SP5: variants seen among roughly 807,000 people sequenced by gnomAD.
The protein encoded by SP5 is Sp5 transcription factor.
In SP5, 12 loss-of-function variants were observed where a neutral mutation model predicts 27.4. The observed-to-expected ratio is 0.44, with a 90% CI of 0.28 to 0.71. The LOEUF (loss-of-function observed/expected upper bound fraction) is 0.71. SP5 is among the 30% of genes least tolerant of loss of function. SP5 has a pLI of 0.15. For synonymous variants in SP5, 330 were observed against 290.7 expected, an observed-to-expected ratio of 1.14 and a Z score of -1.38; for missense variants, 660 against 589.8, an observed-to-expected ratio of 1.12 and a Z score of -1.23.
In SP5 at chr2:170,716,889, G is replaced by T. The variant is rs1228655517; in HGVS notation, c.682G>T (p.Ala228Ser). ...GCCCCGCTTCCCCGCCTCTGCGGCC[G>T]CTGCTGCTGCGGCCGCCGCCGCCCT... The part of the protein sequence containing the change: ...HAPRFPASAA[A>S]AAAAAAALQR... Residue 228 changes from alanine (A) to serine (S), a missense_variant, in exon 2 of 2, where the codon GCT (alanine) becomes TCT (serine). Ala to Ser is a moderately conservative substitution (Grantham distance 99). Coordinates refer to ENST00000375281, the MANE Select transcript of SP5 (RefSeq NM_001003845.3). 1.3e-6 allele frequency: 2 copies of T among 1,504,354 alleles called. No homozygotes were observed. Among genetic ancestry groups the T allele is most frequent in the African/African-American group, 2.9e-5 (2 of 68,344 alleles). The allele number at this position is 1,504,354 out of a possible 1,614,324, so 93.2% of individuals were successfully genotyped here. A position where few individuals can be genotyped will look rare whatever the true frequency, so the allele number is the denominator to read the frequency against.
rs757058067 is a variant in SP5 at position 170,716,345 on chromosome 2, G to A, written c.138G>A (p.Pro46=). 41 of 1,595,924 alleles carry A rather than the reference G, an allele frequency of 2.6e-5. No individual in the cohort carries two copies. In the East Asian group the frequency reaches 6.9e-4, roughly 27 times the overall value. The change falls in exon 2 of 2, where the codon CCG becomes CCA. Residue 46 remains proline (P), a synonymous_variant. Coordinates refer to ENST00000375281, the MANE Select transcript of SP5 (RefSeq NM_001003845.3). ...LAATCSRIGQ[P]GAAAPPDFLQ... The stretch of plus-strand genomic sequence containing the variant: ...CCACCTGTAGCCGCATCGGCCAGCC[G>A]GGCGCGGCGGCGCCCCCGGACTTCC...
rs924281876 is a variant in SP5, at chr2:170,715,721, C to T, written c.51+158C>T. ...GCCCACGCCAACTTCACACCTAATC[C>T]GGTGTGGCCTTTGCTGGAGGGACGC... On this transcript the variant is annotated intron_variant, in intron 1 of 1. Transcript: ENST00000375281. 6.1e-6 allele frequency: 6 copies of T among 985,454 alleles called. No individual in the cohort carries two copies. The South Asian group carries it at 2.3e-4, about 39-fold the overall frequency. 61.0% of individuals were successfully genotyped at this position (985,454 alleles called of 1,614,324 possible).
Position 170,718,073 on chromosome 2 carries a change from T to G in SP5, c.*669T>G, listed in dbSNP as rs534295284. The G allele has an allele frequency of 6.6e-6, 1 of 152,498 alleles. No individual in the cohort carries two copies. Among genetic ancestry groups the G allele is most frequent in the East Asian group, 1.9e-4 (1 of 5,182 alleles). The allele number at this position is 152,498 out of a possible 1,614,324, so 9.4% of individuals were successfully genotyped here. ...CGGGAATTTGATGGTTCCTATAGTC[T>G]GCCTGTGTCGGAGGCTTCTTTGGTT... On this transcript the variant is annotated 3_prime_UTR_variant, in exon 2 of 2. Transcript: ENST00000375281.
rs1700072820 is a variant in SP5 at position 170,716,559 on chromosome 2, G to A, written c.352G>A (p.Asp118Asn). The A allele has an allele frequency of 6.2e-7, 1 of 1,610,894 alleles. No individual in the cohort carries two copies. Among genetic ancestry groups the A allele is most frequent in the Non-Finnish European group, 8.5e-7 (1 of 1,179,122 alleles). ...CGAGCTTCCCCTTACACCCCCCGCC[G>A]ACCCCTCGTACCCCTACGAGTTCTC... ...AHELPLTPPA[D>N]PSYPYEFSPV... Residue 118 changes from aspartate (D) to asparagine (N), a missense_variant, in exon 2 of 2, where the codon GAC becomes AAC. Asp to Asn is a conservative substitution (Grantham distance 23). Transcript: ENST00000375281.
chr2:170,717,430 C>A lies in SP5; in HGVS notation c.*26C>A. The stretch of plus-strand genomic sequence containing the variant: ...GCCCTCCCGGAGGTGGACCCCCTTC[C>A]CAGCACCTCTGCGAGAGATCCGGGG... On this transcript the variant is annotated 3_prime_UTR_variant, in exon 2 of 2. Transcript: ENST00000375281. 6.2e-7 allele frequency: 1 copy of A among 1,606,316 alleles called. No homozygotes were observed. The highest frequency in any genetic ancestry group is 1.1e-5 in the South Asian group (1 of 90,528).
chr2:170,717,266 G>A lies in SP5; in HGVS notation c.1059G>A (p.Glu353=). ...GGCACCTGCGGACTCACACGGGCGA[G>A]AAGCGCTTTGCCTGTCCCGAGTGCG... ...LQRHLRTHTG[E]KRFACPECGK... Residue 353 remains glutamate (E), a synonymous_variant, in exon 2 of 2, where the codon GAG becomes GAA. Coordinates refer to ENST00000375281, the MANE Select transcript of SP5 (RefSeq NM_001003845.3). 3 of 1,609,968 alleles carry A rather than the reference G, an allele frequency of 1.9e-6. No homozygotes were observed. Among genetic ancestry groups the A allele is most frequent in the South Asian group, 1.1e-5 (1 of 90,936 alleles).
Position 170,716,534 on chromosome 2 carries a change from C to G in SP5, c.327C>G (p.His109Gln). The G allele has an allele frequency of 1.2e-6, 2 of 1,611,282 alleles. No homozygotes were observed. The highest frequency in any genetic ancestry group is 1.7e-6 in the Non-Finnish European group (2 of 1,179,386). ...THLQPSFGAA[H>Q]ELPLTPPADP... is the part of the protein sequence containing the mutation. ...TGCAGCCGTCCTTCGGGGCTGCGCA[C>G]GAGCTTCCCCTTACACCCCCCGCCG... Residue 109 changes from histidine (H) to glutamine (Q), a missense_variant, in exon 2 of 2, where the codon CAC becomes CAG. Physicochemically the swap from His to Gln is conservative, Grantham distance 24 (BLOSUM62 0). Transcript: ENST00000375281.
Position 170,716,953 on chromosome 2 carries a change from A to G in SP5, c.746A>G (p.Gln249Arg). Reference sequence around the variant, plus strand: ...GTGTTGGGCCCGTCGGACTTTGCGCAGTACCAGAGCCAGATCGCCGCGCTG... The same window carrying G: ...GTGTTGGGCCCGTCGGACTTTGCGCGGTACCAGAGCCAGATCGCCGCGCTG... ...GLVLGPSDFA[Q>R]YQSQIAALLQ... The change falls in exon 2 of 2, where the codon CAG becomes CGG. Residue 249 changes from glutamine (Q) to arginine (R), a missense_variant. By Grantham distance (43) the Gln-to-Arg change is conservative. Transcript: ENST00000375281. 1 of 1,547,578 alleles carries G rather than the reference A, an allele frequency of 6.5e-7. No individual in the cohort carries two copies. Among genetic ancestry groups the G allele is most frequent in the Non-Finnish European group, 8.7e-7 (1 of 1,146,344 alleles).
In SP5 at chr2:170,717,420, GA is replaced by G. The variant is rs773798827; in HGVS notation, c.*17del. 1.7e-5 allele frequency: 28 copies of G among 1,608,276 alleles called. No homozygotes were observed. The highest frequency in any genetic ancestry group is 1.6e-4 in the Middle Eastern group (1 of 6,078). The stretch of plus-strand genomic sequence containing the variant: ...GGACCTGTGAGCCCTCCCGGAGGTG[GA>G]CCCCCTTCCCAGCACCTCTGCGAGA... On this transcript the variant is annotated 3_prime_UTR_variant, in exon 2 of 2. Transcript: ENST00000375281.
chr2:170,716,645 C>A lies in SP5; in HGVS notation c.438C>A (p.Tyr146Ter). The change falls in exon 2 of 2, where the codon TAC becomes TAA. Residue 146 changes from tyrosine to a stop codon, truncating the protein, a stop_gained. Coordinates refer to ENST00000375281, the MANE Select transcript of SP5 (RefSeq NM_001003845.3). LOFTEE classifies it high-confidence loss of function. ...AALPASCAPA[Y>*]VPYAAQAALP... ...TGCCCGCCAGCTGCGCGCCCGCCTA[C>A]GTGCCCTACGCGGCGCAGGCCGCGC... 1 of 1,605,960 alleles carries A rather than the reference C, an allele frequency of 6.2e-7. No individual in the cohort carries two copies. The highest frequency in any genetic ancestry group is 8.5e-7 in the Non-Finnish European group (1 of 1,177,678).
In SP5 at chr2:170,716,863, C is replaced by G. The variant is rs1438529009; in HGVS notation, c.656C>G (p.Ala219Gly). The change falls in exon 2 of 2, where the codon GCG (alanine) becomes GGG (glycine). Residue 219 changes from alanine (A) to glycine (G), a missense_variant. By Grantham distance (60) the Ala-to-Gly change is moderately conservative. Transcript: ENST00000375281. Reference sequence around the variant, plus strand: ...GGCGCCTGTGCCGGGGCCCCCCACGCGCCCCGCTTCCCCGCCTCTGCGGCC... The same window carrying G: ...GGCGCCTGTGCCGGGGCCCCCCACGGGCCCCGCTTCCCCGCCTCTGCGGCC... ...LSGACAGAPH[A>G]PRFPASAAAA... 8 of 1,461,094 alleles carry G rather than the reference C, an allele frequency of 5.5e-6. No homozygotes were observed. The highest frequency in any genetic ancestry group is 1.5e-5 in the African/African-American group (1 of 66,780). The allele number at this position is 1,461,094 out of a possible 1,614,324, so 90.5% of individuals were successfully genotyped here.
rs753663362 is a variant in SP5, at chr2:170,716,344, C to T, written c.137C>T (p.Pro46Leu). The change falls in exon 2 of 2, where the codon CCG becomes CTG. Residue 46 changes from proline (P) to leucine (L), a missense_variant. Transcript: ENST00000375281. The stretch of plus-strand genomic sequence containing the variant: ...GCCACCTGTAGCCGCATCGGCCAGC[C>T]GGGCGCGGCGGCGCCCCCGGACTTC... ...LAATCSRIGQ[P>L]GAAAPPDFLQ... is the part of the protein sequence containing the mutation. 3 of 1,595,998 alleles carry T rather than the reference C, an allele frequency of 1.9e-6. No homozygotes were observed. The highest frequency in any genetic ancestry group is 2.2e-5 in the East Asian group (1 of 44,790).
rs1700101419 is a variant in SP5, at chr2:170,717,720, A to G, written c.*316A>G. 2 of 452,564 alleles carry G rather than the reference A, an allele frequency of 4.4e-6. No homozygotes were observed. The highest frequency in any genetic ancestry group is 2.5e-5 in the South Asian group (1 of 39,328). 28.0% of individuals were successfully genotyped at this position (452,564 alleles called of 1,614,324 possible). A position where few individuals can be genotyped will look rare whatever the true frequency, so the allele number is the denominator to read the frequency against. ...GGACCACCCTGGTCTGGCCTTGTAT[A>G]TAGGAAATGCTGCTGAACTGAATAG... On this transcript the variant is annotated 3_prime_UTR_variant, in exon 2 of 2. Coordinates refer to ENST00000375281, the MANE Select transcript of SP5 (RefSeq NM_001003845.3).
In SP5 at chr2:170,716,625, G is replaced by C. The variant is rs776856937; in HGVS notation, c.418G>C (p.Ala140Pro). The change falls in exon 2 of 2, where the codon GCC becomes CCC. Residue 140 changes from alanine to proline, a missense_variant. By Grantham distance (27) the Ala-to-Pro change is conservative (BLOSUM62 -1). Coordinates refer to ENST00000375281, the MANE Select transcript of SP5 (RefSeq NM_001003845.3). ...MLPSSMAALP[A>P]SCAPAYVPYA... The stretch of plus-strand genomic sequence containing the variant: ...GCCCTCGAGCATGGCGGCTCTGCCC[G>C]CCAGCTGCGCGCCCGCCTACGTGCC... The C allele has an allele frequency of 5.6e-6, 9 of 1,607,248 alleles. No homozygotes were observed. The highest frequency in any genetic ancestry group is 5.5e-5 in the South Asian group (5 of 90,704).
In SP5 at chr2:170,717,533, T is replaced by C; in HGVS notation, c.*129T>C. The C allele has an allele frequency of 1.6e-6, 2 of 1,264,918 alleles. No individual in the cohort carries two copies. The highest frequency in any genetic ancestry group is 2.2e-6 in the Non-Finnish European group (2 of 925,616). 78.4% of individuals were successfully genotyped at this position (1,264,918 alleles called of 1,614,324 possible). Reference sequence around the variant, plus strand: ...CCTGCCTCCCAAAATGGAGCCAGGCTTCCAACTTCCGCTGCCTTCGGACAT... The same window carrying C: ...CCTGCCTCCCAAAATGGAGCCAGGCCTCCAACTTCCGCTGCCTTCGGACAT... On this transcript the variant is annotated 3_prime_UTR_variant, in exon 2 of 2. Coordinates refer to ENST00000375281, the MANE Select transcript of SP5 (RefSeq NM_001003845.3).
In SP5 at chr2:170,715,921, G is replaced by C. The variant is rs998121588; in HGVS notation, c.52-338G>C. 27 of 1,338,170 alleles carry C rather than the reference G, an allele frequency of 2.0e-5. No homozygotes were observed. In the Admixed American group the frequency reaches 6.9e-4, roughly 34 times the overall value. 82.9% of individuals were successfully genotyped at this position (1,338,170 alleles called of 1,614,324 possible). On this transcript the variant is annotated intron_variant, in intron 1 of 1. Transcript: ENST00000375281. The stretch of plus-strand genomic sequence containing the variant: ...GAGCGGCCGGCCGGCGGGGTTGTGG[G>C]TGTTTCCCGACTCTTACTGACCACG...
chr2:170,716,613 G>A lies in SP5; in HGVS notation c.406G>A (p.Ala136Thr), dbSNP rs1223177865. 6.2e-7 allele frequency: 1 copy of A among 1,608,604 alleles called. No individual in the cohort carries two copies. Among genetic ancestry groups the A allele is most frequent in the African/African-American group, 1.3e-5 (1 of 74,688 alleles). Residue 136 changes from alanine to threonine, a missense_variant, in exon 2 of 2, where the codon GCG (alanine) becomes ACG (threonine). By Grantham distance (58) the Ala-to-Thr change is moderately conservative. Coordinates refer to ENST00000375281, the MANE Select transcript of SP5 (RefSeq NM_001003845.3). ...SPVKMLPSSMAALPASCAPAY... is the reference protein window; with the variant it reads ...SPVKMLPSSMTALPASCAPAY... ...GGTCAAGATGCTGCCCTCGAGCATG[G>A]CGGCTCTGCCCGCCAGCTGCGCGCC...
In SP5 at chr2:170,717,277, C is replaced by G. The variant is rs780140734; in HGVS notation, c.1070C>G (p.Ala357Gly). The G allele has an allele frequency of 1.9e-6, 3 of 1,609,734 alleles. No homozygotes were observed. The highest frequency in any genetic ancestry group is 2.5e-6 in the Non-Finnish European group (3 of 1,179,622). Residue 357 changes from alanine (A) to glycine (G), a missense_variant, in exon 2 of 2, where the codon GCC becomes GGC. Ala to Gly is a moderately conservative substitution (Grantham distance 60). Transcript: ENST00000375281. ...LRTHTGEKRF[A>G]CPECGKRFMR... is the part of the protein sequence containing the mutation. Reference sequence around the variant, plus strand: ...ACTCACACGGGCGAGAAGCGCTTTGCCTGTCCCGAGTGCGGCAAGCGCTTC... The same window carrying G: ...ACTCACACGGGCGAGAAGCGCTTTGGCTGTCCCGAGTGCGGCAAGCGCTTC...
intron 1 of SP5, 164 bp from the exon 2 acceptor site, chr2:170,716,095 C>G: frequency 2.1e-6 from 3 of 1,398,312 alleles, no homozygotes; most frequent in Non-Finnish European, 2.8e-6. Context: ...AAGTTTCCCT[C>G]GGCCGGTGGG....
Sources: gnomAD v4.1 joint callset for allele counts on GRCh38, gnomAD v4.1.1 for gene constraint, MANE v1.5 for transcripts, NCBI Gene and HGNC (gene_info 2026-07-23, HGNC 2026-07-21) for gene names.